Variants in BICC1 observed in about 807,000 individuals in gnomAD.
BICC1 encodes the protein protein bicaudal C homolog 1.
BICC1 carries 43 observed loss-of-function variants against 111.0 expected under a neutral mutation model. The observed-to-expected ratio is 0.39, with a 90% CI of 0.30 to 0.50. The LOEUF (loss-of-function observed/expected upper bound fraction) is 0.50. Ranked by LOEUF, BICC1 falls within the 20% of genes least tolerant of loss-of-function variation. The probability of loss-of-function intolerance (pLI) is 0.88; values close to 1 mark genes in which losing one functional copy is unlikely to be tolerated. For synonymous variants in BICC1, 467 were observed against 434.4 expected, an observed-to-expected ratio of 1.07 and a Z score of -0.93; for missense variants, 1,091 against 1,203.2, an observed-to-expected ratio of 0.91 and a Z score of 1.38.
At chr10:58,785,484 C>A (rs2132789080) in intron 4 of BICC1, among the ~76,000 whole-genome samples, 1 of 151,978 alleles carries the variant, frequency 6.6e-6, no homozygotes, top group East Asian at 1.9e-4. Context: ...CCAGAATGAT[C>A]TTCTATATAG....
chr10:58,800,466 C>A, intron 13 of BICC1, 140 bp downstream of exon 13: 3 of 779,260 alleles, frequency 3.8e-6, no homozygotes, highest in African/African-American at 1.8e-5. Flanking sequence ...GGAAAGACAA[C>A]ATCCTGAATA....
intron 1 of BICC1, among the ~76,000 whole-genome samples, chr10:58,525,355 C>A (rs1448133728): frequency 8.9e-6 from 1 of 112,554 alleles, no homozygotes; most frequent in African/African-American, 2.8e-5. Context: ...AAATGTGGCA[C>A]ATATACACCA....
rs1844521398 is a variant in BICC1 at position 58,830,410 on chromosome 10, T to A, written c.*1519T>A. ...CCTGTACTGTAAAGAGTTATTTATG[T>A]TCAGTAGTCAAGATTTTCTACATGG... On this transcript the variant is annotated 3_prime_UTR_variant, in exon 21 of 21. Transcript: ENST00000373886. 6.6e-6 allele frequency: 1 copy of A among 152,178 alleles called. No homozygotes were observed. The highest frequency in any genetic ancestry group is 2.4e-5 in the African/African-American group (1 of 41,460). The allele number at this position is 152,178 out of a possible 1,614,324, so 9.4% of individuals were successfully genotyped here.
intron 2 of BICC1, among the ~76,000 whole-genome samples, chr10:58,660,180 T>C (rs1335403974): frequency 6.6e-6 from 1 of 152,136 alleles, no homozygotes; most frequent in Non-Finnish European, 1.5e-5. Context: ...GCAGCTAATA[T>C]TCCCAGACAG....
intron 2 of BICC1, chr10:58,650,867 T>C (rs751387641): frequency 6.6e-5 from 10 of 152,076 alleles, no homozygotes; most frequent in Admixed American, 2.0e-4. Flanking sequence ...AATAAATAAA[T>C]AAGTCAAAAT....
chr10:58,530,023 A>G (rs1379792349), intron 1 of BICC1, among the ~76,000 whole-genome samples: 3 of 151,766 alleles, frequency 2.0e-5, no homozygotes, highest in African/African-American at 7.3e-5. Context: ...AAATTGTTGC[A>G]TGTATTGGAC....
In BICC1 at chr10:58,796,943, G is replaced by T. The variant is rs187763625; in HGVS notation, c.1366+417G>T. Among the ~76,000 whole-genome samples the T allele has an allele frequency of 5.1e-3, 776 of 152,028 alleles. 7 individuals carry two copies. The highest frequency in any genetic ancestry group is 0.015 in the African/African-American group (619 of 41,430). On this transcript the variant is annotated intron_variant, in intron 10 of 20. Coordinates refer to ENST00000373886, the MANE Select transcript of BICC1 (RefSeq NM_001080512.3). ...CAAATCTGTATGAGGGGTGGGGAGG[G>T]GGGTGAAAATAAGCAGAACCCGCAT...
In BICC1 at chr10:58,803,195, T is replaced by C; in HGVS notation, c.2134T>C (p.Ser712Pro). 1 of 1,609,072 alleles carries C rather than the reference T, an allele frequency of 6.2e-7. No individual in the cohort carries two copies. Among genetic ancestry groups the C allele is most frequent in the Non-Finnish European group, 8.5e-7 (1 of 1,177,594 alleles). ...AERAAAAQQNSERAHLAPRSS... is the reference protein window; with the variant it reads ...AERAAAAQQNPERAHLAPRSS... ...GAGGGCAGCAGCTGCCCAGCAAAACTCCGAAAGGGCCCACCTTGCTCCACG... is the reference window on the plus strand; with the variant it reads ...GAGGGCAGCAGCTGCCCAGCAAAACCCCGAAAGGGCCCACCTTGCTCCACG... Residue 712 changes from serine to proline, a missense_variant, in exon 15 of 21, where the codon TCC becomes CCC. Ser to Pro is a moderately conservative substitution (Grantham distance 74). This residue lies in a region of BICC1 where 843 missense variants were observed against 900.8 expected (regional missense o/e 0.94). Coordinates refer to ENST00000373886, the MANE Select transcript of BICC1 (RefSeq NM_001080512.3).
chr10:58,570,430 C>G (rs926209115), intron 1 of BICC1, among the ~76,000 whole-genome samples: 2 of 152,146 alleles, frequency 1.3e-5, no homozygotes, highest in Non-Finnish European at 2.9e-5. Flanking sequence ...TCCAAGTTGG[C>G]CAACCCTTGT....
chr10:58,603,298 A>G (rs1469494358), intron 1 of BICC1, among the ~76,000 whole-genome samples: 3 of 152,220 alleles, frequency 2.0e-5, no homozygotes, highest in Non-Finnish European at 4.4e-5. Context: ...TAGGAGGCCA[A>G]CTTGACTGAT....
intron 19 of BICC1, among the ~76,000 whole-genome samples, chr10:58,818,179 T>G (rs1242551233): frequency 6.6e-6 from 1 of 152,202 alleles, no homozygotes; most frequent in African/African-American, 2.4e-5. Context: ...TCTTACAGAA[T>G]ATATGTTTTT....
At chr10:58,589,497 G>C (rs895314775) in intron 1 of BICC1, among the ~76,000 whole-genome samples, 1 of 150,550 alleles carries the variant, frequency 6.6e-6, no homozygotes, top group African/African-American at 2.4e-5. Flanking sequence ...TTTGAGACAA[G>C]ATCTCACTTT....
chr10:58,548,229 A>G (rs760781952), intron 1 of BICC1, among the ~76,000 whole-genome samples: 3 of 152,228 alleles, frequency 2.0e-5, no homozygotes, highest in Non-Finnish European at 4.4e-5. Context: ...CTGGCTCCCA[A>G]GAGCCACGAT....
chr10:58,754,309 T>C (rs139186471), intron 3 of BICC1, among the ~76,000 whole-genome samples: 2 of 152,334 alleles, frequency 1.3e-5, no homozygotes, highest in Non-Finnish European at 2.9e-5. Context: ...GAAGCACTTA[T>C]TTTCTTTTAT....
chr10:58,800,991 T>G lies in BICC1; in HGVS notation c.1960T>G (p.Cys654Gly). The change falls in exon 14 of 21, where the codon TGT (cysteine) becomes GGT (glycine). Residue 654 changes from cysteine (C) to glycine (G), a missense_variant. Transcript: ENST00000373886. Reference protein sequence around the residue: ...KQMMCPSKVSCAKRQTVELLQ... With the variant: ...KQMMCPSKVSGAKRQTVELLQ... ...GATGATGTGTCCCTCCAAGGTTTCC[T>G]GTGCCAAAAGGCAGACAGTGGAACT... 6.2e-7 allele frequency: 1 copy of G among 1,612,758 alleles called. No individual in the cohort carries two copies. The highest frequency in any genetic ancestry group is 8.5e-7 in the Non-Finnish European group (1 of 1,179,350).
At chr10:58,655,967 A>G (rs1247446574) in intron 2 of BICC1, among the ~76,000 whole-genome samples, 1 of 152,024 alleles carries the variant, frequency 6.6e-6, no homozygotes, top group Non-Finnish European at 1.5e-5. Flanking sequence ...TAATAAAGAA[A>G]AAAAGAGAGA....
intron 3 of BICC1, among the ~76,000 whole-genome samples, chr10:58,775,992 G>A (rs1842739969): frequency 6.6e-6 from 1 of 152,160 alleles, no homozygotes; most frequent in African/African-American, 2.4e-5. Flanking sequence ...ACAAAACAAA[G>A]ATGAGAAATG....
chr10:58,794,168 TGTG>T (rs1843274912), intron 9 of BICC1, among the ~76,000 whole-genome samples: 4 of 69,730 alleles, frequency 5.7e-5, no homozygotes, highest in African/African-American at 2.9e-4. Context: ...ACATGTTTTG[TGTG>T]TGTGTGTGTG....
chr10:58,738,150 T>C (rs1286199315), intron 3 of BICC1, among the ~76,000 whole-genome samples: 2 of 152,348 alleles, frequency 1.3e-5, no homozygotes, highest in East Asian at 3.9e-4. Context: ...GTTTTAGACA[T>C]GAAGTCCTTG....
Sources: gnomAD v4.1 joint callset for allele counts (sites outside exome capture counted in the v4.1 genomes callset) on GRCh38, gnomAD v4.1.1 for gene constraint, gnomAD v4.1.1 regional missense constraint, MANE v1.5 for transcripts, NCBI Gene and HGNC (gene_info 2026-07-23, HGNC 2026-07-21) for gene names.